Variants in REDIC1 observed in about 807,000 individuals in gnomAD.
The protein encoded by REDIC1 is regulator of DNA class I crossover intermediates 1.
chr12:39,838,186 T>C, the REDIC1 span, among the ~76,000 whole-genome samples: 1 of 150,434 alleles, frequency 6.6e-6, no homozygotes, highest in Non-Finnish European at 1.5e-5. Flanking sequence ...TTCATGTCCT[T>C]TGTAGGGACA....
the REDIC1 span, chr12:39,683,620 A>G: frequency 7.8e-6 from 5 of 642,786 alleles, no homozygotes; most frequent in Admixed American, 1.4e-4. Context: ...AAGGAGCCTT[A>G]CCAGGAGTCA....
the REDIC1 span, among the ~76,000 whole-genome samples, chr12:39,680,400 G>GAAATGCAA: frequency 6.6e-5 from 10 of 152,096 alleles, no homozygotes; most frequent in African/African-American, 2.2e-4. Context: ...AAAGATGGAG[G>GAAATGCAA]AAATGCAAAT....
At chr12:39,712,973 GTA>G in the REDIC1 span, among the ~76,000 whole-genome samples, 2 of 19,296 alleles carry the variant, frequency 1.0e-4, no homozygotes, top group Admixed American at 1.1e-3. Flanking sequence ...ACGTGTATAT[GTA>G]TATATACATG....
At chr12:39,664,690 C>T in the REDIC1 span, among the ~76,000 whole-genome samples, 1 of 152,202 alleles carries the variant, frequency 6.6e-6, no homozygotes, top group Non-Finnish European at 1.5e-5. Context: ...ACAGTCCCAC[C>T]AACAGTATAA....
chr12:39,842,848 A>G, the REDIC1 span, among the ~76,000 whole-genome samples: 1 of 152,008 alleles, frequency 6.6e-6, no homozygotes, highest in Non-Finnish European at 1.5e-5. Flanking sequence ...TGGACATTTT[A>G]TATCAATGTA....
chr12:39,626,319 G>T, the REDIC1 span: 1 of 1,614,052 alleles, frequency 6.2e-7, no homozygotes, highest in African/African-American at 1.3e-5. Flanking sequence ...GGACCTCAGT[G>T]TCAAAAGATT....
the REDIC1 span, chr12:39,764,808 T>C: frequency 3.0e-5 from 48 of 1,612,574 alleles, no homozygotes; most frequent in East Asian, 1.1e-3. Context: ...AGGGCAGAAA[T>C]TGTAAGCCCA....
the REDIC1 span, among the ~76,000 whole-genome samples, chr12:39,893,425 G>A: frequency 2.0e-5 from 3 of 152,214 alleles, no homozygotes; most frequent in Non-Finnish European, 2.9e-5. Context: ...TCAGCCTCCC[G>A]ACTGGCTGGG....
chr12:39,778,781 A>AACTTAAATACCAATG, the REDIC1 span, among the ~76,000 whole-genome samples: 1 of 152,174 alleles, frequency 6.6e-6, no homozygotes, highest in Non-Finnish European at 1.5e-5. Context: ...AGTGGCTATC[A>AACTTAAATACCAATG]ACTTAAATAC....
chr12:39,876,452 A>G, the REDIC1 span, among the ~76,000 whole-genome samples: 1 of 152,242 alleles, frequency 6.6e-6, no homozygotes, highest in Non-Finnish European at 1.5e-5. Flanking sequence ...TACTTGCATT[A>G]TAGAATTAAC....
the REDIC1 span, chr12:39,682,538 A>G: frequency 3.4e-6 from 4 of 1,179,396 alleles, no homozygotes; most frequent in Non-Finnish European, 4.7e-6. Context: ...TCCTCTAAGA[A>G]TTGAAAGTAA....
chr12:39,831,729 A>G, the REDIC1 span, among the ~76,000 whole-genome samples: 3 of 152,050 alleles, frequency 2.0e-5, no homozygotes, highest in African/African-American at 4.8e-5. Context: ...CTCAGTTCAC[A>G]TGAGATCTGG....
At chr12:39,792,726 G>A in the REDIC1 span, among the ~76,000 whole-genome samples, 99 of 151,890 alleles carry the variant, frequency 6.5e-4, 2 homozygotes, top group Middle Eastern at 0.01. Context: ...TTTGCATCCT[G>A]CAAGTACTGT....
At chr12:39,776,284 G>T in the REDIC1 span, among the ~76,000 whole-genome samples, 3 of 94,392 alleles carry the variant, frequency 3.2e-5, no homozygotes, top group African/African-American at 1.2e-4. Flanking sequence ...CTGCTTCCCC[G>T]CTTAGGAGCT....
chr12:39,900,289 G>A, the REDIC1 span, among the ~76,000 whole-genome samples: 1 of 152,124 alleles, frequency 6.6e-6, no homozygotes, highest in Non-Finnish European at 1.5e-5. Flanking sequence ...ACAAGACAGG[G>A]ATGCCCTCTC....
At chr12:39,844,273 G>A in the REDIC1 span, among the ~76,000 whole-genome samples, 1 of 152,054 alleles carries the variant, frequency 6.6e-6, no homozygotes, top group East Asian at 1.9e-4. Context: ...CAAGGCATAG[G>A]GTAGATAGAC....
the REDIC1 span, among the ~76,000 whole-genome samples, chr12:39,636,568 G>C: frequency 6.6e-6 from 1 of 151,842 alleles, no homozygotes; most frequent in Non-Finnish European, 1.5e-5. Context: ...TCAGTGTCAC[G>C]AAACCATAAA....
the REDIC1 span, among the ~76,000 whole-genome samples, chr12:39,726,484 A>C: frequency 6.6e-6 from 1 of 152,164 alleles, no homozygotes; most frequent in African/African-American, 2.4e-5. Flanking sequence ...CCTGCAAAGG[A>C]CATGGACTCA....
At chr12:39,721,224 A>G in the REDIC1 span, 1 of 1,613,196 alleles carries the variant, frequency 6.2e-7, no homozygotes, top group Non-Finnish European at 8.5e-7. Context: ...ATACCACTGG[A>G]GGGCAGGAAA....
Sources: gnomAD v4.1 joint callset for allele counts (sites outside exome capture counted in the v4.1 genomes callset) on GRCh38, gnomAD v4.1.1 for gene constraint, MANE v1.5 for transcripts, NCBI Gene and HGNC (gene_info 2026-07-23, HGNC 2026-07-21) for gene names.